The following WWC2 variants were observed in gnomAD, a reference collection of about 807,000 sequenced individuals.
WWC2 encodes the protein protein WWC2.
In WWC2, 101 loss-of-function variants were observed where a neutral mutation model predicts 138.5. The observed-to-expected ratio is 0.73, with a 90% CI of 0.62 to 0.86. The LOEUF is 0.86. WWC2 is among the 40% of genes least tolerant of loss of function. The pLI, the probability that WWC2 is intolerant of heterozygous loss-of-function variation, is 0.00. For synonymous variants in WWC2, 558 were observed against 538.4 expected (o/e 1.04, Z -0.50); for missense variants, 1,420 against 1,419.4 (o/e 1.00, Z -0.01).
intron 16 of WWC2, among the ~76,000 whole-genome samples, chr4:183,279,332 G>A (rs1262291559): frequency 6.6e-6 from 1 of 151,970 alleles, no homozygotes; most frequent in Non-Finnish European, 1.5e-5. Flanking sequence ...AAGCCCACTT[G>A]ATCATGGTGG....
chr4:183,243,601 A>G, intron 5 of WWC2, among the ~76,000 whole-genome samples: 1 of 152,156 alleles, frequency 6.6e-6, no homozygotes, highest in East Asian at 1.9e-4. Context: ...TGAATCTGTC[A>G]TTTTAGGATA....
intron 2 of WWC2, among the ~76,000 whole-genome samples, chr4:183,196,728 T>C (rs1735153687): frequency 6.6e-6 from 1 of 152,162 alleles, no homozygotes; most frequent in African/African-American, 2.4e-5. Context: ...GAGTCTAGCC[T>C]GAGCACTCTC....
At chr4:183,141,460 G>C (rs528593767) in intron 1 of WWC2, among the ~76,000 whole-genome samples, 1 of 152,216 alleles carries the variant, frequency 6.6e-6, no homozygotes, top group East Asian at 1.9e-4. Context: ...TGGGAATTAG[G>C]CTTCAACGTA....
At chr4:183,163,321 A>C (rs1734014011) in intron 1 of WWC2, among the ~76,000 whole-genome samples, 1 of 152,236 alleles carries the variant, frequency 6.6e-6, no homozygotes, top group Non-Finnish European at 1.5e-5. Context: ...CTGCCGGAGT[A>C]GCCATCCATC....
intron 11 of WWC2, 36 bp from the exon 12 acceptor site, chr4:183,264,942 A>G (rs1475600539): frequency 1.3e-6 from 2 of 1,583,046 alleles, no homozygotes; most frequent in African/African-American, 1.4e-5. Context: ...TCCAAATAAG[A>G]CATTCTGATT....
At chr4:183,282,510 G>T (rs1738108121) in intron 17 of WWC2, 198 bp from the exon 18 acceptor site, 1 of 587,504 alleles carries the variant, frequency 1.7e-6, no homozygotes, top group African/African-American at 1.9e-5. Context: ...ACATTATGGT[G>T]ATTTTGCTGC....
intron 18 of WWC2, 136 bp downstream of exon 18, chr4:183,283,042 G>A: frequency 1.2e-6 from 1 of 832,598 alleles, no homozygotes; most frequent in Non-Finnish European, 1.8e-6. Context: ...AAAGGCATAT[G>A]TGGGAATAGG....
chr4:183,146,395 A>G (rs958094972), intron 1 of WWC2, among the ~76,000 whole-genome samples: 4 of 152,208 alleles, frequency 2.6e-5, no homozygotes, highest in African/African-American at 9.6e-5. Flanking sequence ...TCTCTAGATG[A>G]GGGCCGTAGG....
chr4:183,193,443 A>G (rs1438649906), intron 1 of WWC2, among the ~76,000 whole-genome samples, 156 bp from the exon 2 acceptor site: 2 of 150,678 alleles, frequency 1.3e-5, no homozygotes, highest in Admixed American at 1.3e-4. Flanking sequence ...GACTTGTCCT[A>G]CTTTTTTGGA....
At position 183,302,993 on chromosome 4, in the gene WWC2, G is replaced by T. The variant is rs1463219635; in HGVS notation, c.3385-9348G>T. ...GCAGGAGAATTGCTTGAGCCCAGGA[G>T]GTGGGGAGGTTGAGCTGAGATCGTG... is the stretch of plus-strand genomic sequence containing the variant. On this transcript the variant is annotated intron_variant, in intron 21 of 22. Coordinates refer to ENST00000403733, the MANE Select transcript of WWC2 (RefSeq NM_024949.6). 2.0e-5 allele frequency among the ~76,000 whole-genome samples: 3 copies of T among 151,332 alleles called. No individual in the cohort carries two copies. The South Asian group carries it at 6.3e-4, about 32-fold the overall frequency.
intron 1 of WWC2, among the ~76,000 whole-genome samples, chr4:183,184,841 A>C (rs954766012): frequency 1.3e-5 from 2 of 152,244 alleles, no homozygotes; most frequent in Non-Finnish European, 2.9e-5. Context: ...CTTTGAAGAA[A>C]GGAAATGTTT....
chr4:183,245,478 T>C lies in WWC2; in HGVS notation c.665T>C (p.Leu222Pro). The C allele has an allele frequency of 1.9e-6, 3 of 1,608,844 alleles. No homozygotes were observed. The highest frequency in any genetic ancestry group is 2.5e-6 in the Non-Finnish European group (3 of 1,177,952). ...GYELSEAKAILTELKSIRKAI... is the reference protein window; with the variant it reads ...GYELSEAKAIPTELKSIRKAI... ...GAACTCAGTGAAGCCAAAGCCATTCTAACAGAACTAAAATCTATCAGAAAG... is the reference window on the plus strand; with the variant it reads ...GAACTCAGTGAAGCCAAAGCCATTCCAACAGAACTAAAATCTATCAGAAAG... Residue 222 changes from leucine (L) to proline (P), a missense_variant, in exon 6 of 23, where the codon CTA becomes CCA. Physicochemically the swap from Leu to Pro is moderately conservative, Grantham distance 98. Transcript: ENST00000403733.
At chr4:183,107,817 A>C (rs1256392265) in intron 1 of WWC2, among the ~76,000 whole-genome samples, 1 of 152,008 alleles carries the variant, frequency 6.6e-6, no homozygotes, top group Non-Finnish European at 1.5e-5. Flanking sequence ...GGAGATAAAG[A>C]TGGATAAGAT....
chr4:183,182,114 A>G (rs1734649861), intron 1 of WWC2, among the ~76,000 whole-genome samples: 1 of 152,200 alleles, frequency 6.6e-6, no homozygotes, highest in African/African-American at 2.4e-5. Context: ...ATTCCTATGT[A>G]GTGAGGTTAT....
At chr4:183,235,924 A>T (rs1736410423) in intron 4 of WWC2, among the ~76,000 whole-genome samples, 1 of 152,238 alleles carries the variant, frequency 6.6e-6, no homozygotes, top group African/African-American at 2.4e-5. Flanking sequence ...AGTGATTTTA[A>T]GACTTCTATT....
intron 1 of WWC2, among the ~76,000 whole-genome samples, chr4:183,162,600 G>C (rs950664136): frequency 1.3e-5 from 2 of 152,108 alleles, no homozygotes; most frequent in African/African-American, 4.8e-5. Context: ...CTCCTTGACT[G>C]ACATTTCTTC....
At chr4:183,258,163 A>C (rs1036471343) in intron 9 of WWC2, among the ~76,000 whole-genome samples, 2 of 152,242 alleles carry the variant, frequency 1.3e-5, no homozygotes, top group African/African-American at 4.8e-5. Context: ...CTCTTGTTTC[A>C]GAAGACATGG....
intron 4 of WWC2, among the ~76,000 whole-genome samples, chr4:183,234,348 A>G (rs1436284348): frequency 6.6e-6 from 1 of 152,202 alleles, no homozygotes; most frequent in Non-Finnish European, 1.5e-5. Context: ...GCTCCACAGA[A>G]ATAAAATTAG....
intron 16 of WWC2, among the ~76,000 whole-genome samples, chr4:183,280,097 T>A (rs955473955): frequency 6.6e-6 from 1 of 152,066 alleles, no homozygotes; most frequent in Non-Finnish European, 1.5e-5. Flanking sequence ...GATTTTCTAT[T>A]CTTCTGAAAG....
Sources: gnomAD v4.1 joint callset for allele counts (sites outside exome capture counted in the v4.1 genomes callset) on GRCh38, gnomAD v4.1.1 for gene constraint, MANE v1.5 for transcripts, NCBI Gene and HGNC (gene_info 2026-07-23, HGNC 2026-07-21) for gene names.